The following ATP8B4 variants were observed in gnomAD, a reference collection of about 807,000 sequenced individuals.
The protein encoded by ATP8B4 is ATPase phospholipid transporting 8B4 (putative), also known as probable phospholipid-transporting ATPase IM.
ATP8B4 carries 133 observed loss-of-function variants against 145.6 expected under a neutral mutation model. That is an observed-to-expected ratio of 0.91 (90% CI 0.79 to 1.05). The LOEUF (loss-of-function observed/expected upper bound fraction) is 1.05. ATP8B4 is among the 50% of genes least tolerant of loss of function. ATP8B4 has a pLI of 0.00. For missense variants in ATP8B4, 1,458 were observed against 1,425.2 expected (o/e 1.02, Z -0.37); for synonymous variants, 507 against 492.9 (o/e 1.03, Z -0.38).
rs150588761 is a variant in ATP8B4, at chr15:50,011,203, G to A, written c.363-286C>T. 4.2e-3 allele frequency among the ~76,000 whole-genome samples: 646 copies of A among 152,240 alleles called. 10 individuals are homozygous for A. The highest frequency in any genetic ancestry group is 0.015 in the African/African-American group (609 of 41,552). Reference sequence around the variant, plus strand: ...CCTATGGTGCCAGCTTTATGCAGCAGCTATGAAATCTCAATAAATTTTAGT... The same window carrying A: ...CCTATGGTGCCAGCTTTATGCAGCAACTATGAAATCTCAATAAATTTTAGT... On this transcript the variant is annotated intron_variant, in intron 6 of 27. Coordinates refer to ENST00000284509, the MANE Select transcript of ATP8B4 (RefSeq NM_024837.4).
intron 2 of ATP8B4, among the ~76,000 whole-genome samples, chr15:50,095,116 A>C (rs527713003): frequency 1.3e-5 from 2 of 152,142 alleles, no homozygotes; most frequent in Non-Finnish European, 2.9e-5. Context: ...GAACAAAGTG[A>C]CACACACCAT....
chr15:50,054,519 C>T (rs1284920058), intron 3 of ATP8B4, among the ~76,000 whole-genome samples: 1 of 152,138 alleles, frequency 6.6e-6, no homozygotes, highest in Non-Finnish European at 1.5e-5. Context: ...CACGGTGGCT[C>T]ACGCCGGTAA....
intron 8 of ATP8B4, among the ~76,000 whole-genome samples, chr15:49,998,603 T>G (rs1289273268): frequency 1.3e-5 from 2 of 152,200 alleles, no homozygotes; most frequent in African/African-American, 2.4e-5. Flanking sequence ...TTTTTTCTTG[T>G]AAATTTGTTT....
intron 20 of ATP8B4, among the ~76,000 whole-genome samples, chr15:49,913,494 T>C (rs1193424995): frequency 6.6e-6 from 1 of 152,114 alleles, no homozygotes; most frequent in Non-Finnish European, 1.5e-5. Flanking sequence ...TCCACTCCTA[T>C]TCAACATAAC....
Position 49,866,492 on chromosome 15 carries a change from TA to T in ATP8B4, c.3028-9del. The T allele has an allele frequency of 2.5e-6, 4 of 1,612,954 alleles. No individual in the cohort carries two copies. The highest frequency in any genetic ancestry group is 3.4e-6 in the Non-Finnish European group (4 of 1,179,096). On this transcript the variant is annotated splice_polypyrimidine_tract_variant and intron_variant, in intron 25 of 27. Transcript: ENST00000284509. ...ACTGGTATCCAAGGCTATCTGTAAA[TA>T]AAATCAAATGCAAACGGGAGGTCTT...
At chr15:50,121,361 A>C (rs753274908), upstream of ATP8B4, among the ~76,000 whole-genome samples, 5 of 152,124 alleles carry the variant, frequency 3.3e-5, no homozygotes, top group Non-Finnish European at 5.9e-5. Flanking sequence ...GGTATTGTTT[A>C]ATGGGTACAG....
intron 10 of ATP8B4, among the ~76,000 whole-genome samples, chr15:49,986,463 C>T (rs1004421036): frequency 2.0e-5 from 3 of 152,162 alleles, no homozygotes; most frequent in Admixed American, 6.5e-5. Flanking sequence ...CTAGGGATTT[C>T]CCAAGTCTTT....
At chr15:50,148,005 T>A (rs963206144) in intron 1 of ATP8B4, among the ~76,000 whole-genome samples, 1 of 152,228 alleles carries the variant, frequency 6.6e-6, no homozygotes, top group East Asian at 1.9e-4. Flanking sequence ...TTCCAATGCA[T>A]CTAGCAGTTA....
At chr15:49,930,886 T>C (rs1238599408) in intron 16 of ATP8B4, among the ~76,000 whole-genome samples, 1 of 152,056 alleles carries the variant, frequency 6.6e-6, no homozygotes, top group Non-Finnish European at 1.5e-5. Context: ...TGATACATTG[T>C]ACATACTCAT....
At chr15:49,916,893 C>T in intron 20 of ATP8B4, 41 bp downstream of exon 20, 6 of 1,565,988 alleles carry the variant, frequency 3.8e-6, no homozygotes, top group Non-Finnish European at 5.3e-6. Context: ...CCCTCCCTCC[C>T]TCTCGTCCTT....
intron 2 of ATP8B4, among the ~76,000 whole-genome samples, chr15:50,078,575 T>C (rs1294650440): frequency 6.7e-6 from 1 of 150,326 alleles, no homozygotes. Context: ...TAAGGGAACA[T>C]AGACAATGGA....
chr15:50,005,293 G>A (rs1238931201), intron 7 of ATP8B4, among the ~76,000 whole-genome samples: 1 of 152,130 alleles, frequency 6.6e-6, no homozygotes, highest in Non-Finnish European at 1.5e-5. Flanking sequence ...GAACATATTT[G>A]GGTCCTCAGA....
intron 20 of ATP8B4, chr15:49,908,168 T>G (rs933892896): frequency 2.9e-5 from 13 of 449,858 alleles, no homozygotes; most frequent in Non-Finnish European, 4.9e-5. Flanking sequence ...CCAGGCACTG[T>G]CTCAAAACAT....
At chr15:49,870,347 C>G (rs1373411185) in intron 25 of ATP8B4, among the ~76,000 whole-genome samples, 2 of 152,026 alleles carry the variant, frequency 1.3e-5, no homozygotes, top group Non-Finnish European at 2.9e-5. Flanking sequence ...CTATGGTCAT[C>G]ATCATAGTAG....
At chr15:50,097,988 C>T (rs78415726) in intron 2 of ATP8B4, among the ~76,000 whole-genome samples, 4,545 of 152,240 alleles carry the variant, frequency 0.03, 76 homozygotes, top group South Asian at 0.064. Context: ...GATTTGAATA[C>T]AAATGCCTGG....
At chr15:49,910,724 G>T (rs1385079081) in intron 20 of ATP8B4, among the ~76,000 whole-genome samples, 1 of 152,112 alleles carries the variant, frequency 6.6e-6, no homozygotes, top group Non-Finnish European at 1.5e-5. Flanking sequence ...GTATCTGGAA[G>T]TCAAGAAATA....
intron 1 of ATP8B4, among the ~76,000 whole-genome samples, chr15:50,153,952 T>G (rs1395070905): frequency 6.6e-6 from 1 of 152,234 alleles, no homozygotes; most frequent in Non-Finnish European, 1.5e-5. Flanking sequence ...TAAAAAACCT[T>G]GTTGTTCTAA....
chr15:50,177,882 A>G (rs915862902), intron 1 of ATP8B4, among the ~76,000 whole-genome samples: 5 of 152,236 alleles, frequency 3.3e-5, no homozygotes, highest in Non-Finnish European at 7.3e-5. Context: ...ATCTCCATAA[A>G]GTAGGAAGGG....
chr15:50,106,484 T>C (rs868726631), intron 2 of ATP8B4, among the ~76,000 whole-genome samples: 4 of 152,082 alleles, frequency 2.6e-5, no homozygotes, highest in Admixed American at 6.5e-5. Context: ...ACGAACTCTG[T>C]TTTAAATGTT....
Sources: gnomAD v4.1 joint callset for allele counts (sites outside exome capture counted in the v4.1 genomes callset) on GRCh38, gnomAD v4.1.1 for gene constraint, MANE v1.5 for transcripts, NCBI Gene and HGNC (gene_info 2026-07-23, HGNC 2026-07-21) for gene names.